The following ZNF469 variants were observed in gnomAD, a reference collection of about 807,000 sequenced individuals.
ZNF469 encodes the protein zinc finger protein 469.
A neutral mutation model predicts 1.0 loss-of-function variants in ZNF469; 1 was observed. The observed-to-expected ratio is 1.00, with a 90% CI of 0.35 to 4.73. The LOEUF is 4.73. Ranked by LOEUF, ZNF469 falls within the 30% of genes most tolerant of loss-of-function variation. The probability of loss-of-function intolerance (pLI) is 0.16; values close to 1 mark genes in which losing one functional copy is unlikely to be tolerated. For synonymous variants in ZNF469, 2,703 were observed against 2,363.4 expected, an observed-to-expected ratio of 1.14 and a Z score of -4.17; for missense variants, 6,100 against 5,356.3, an observed-to-expected ratio of 1.14 and a Z score of -4.33.
At chr16:88,315,535 G>A in the ZNF469 span, among the ~76,000 whole-genome samples, 1 of 152,192 alleles carries the variant, frequency 6.6e-6, no homozygotes, top group African/African-American at 2.4e-5. Context: ...TATCGCCATG[G>A]TGACCAAGGG....
the ZNF469 span, among the ~76,000 whole-genome samples, chr16:88,375,410 TG>T: frequency 6.6e-6 from 1 of 152,236 alleles, no homozygotes; most frequent in Non-Finnish European, 1.5e-5. Flanking sequence ...AGCAGGCATC[TG>T]GGCCACTTAG....
chr16:88,170,056 G>A, the ZNF469 span, among the ~76,000 whole-genome samples: 4 of 152,210 alleles, frequency 2.6e-5, no homozygotes, highest in African/African-American at 7.2e-5. This position sits in a 1 kb window ranked among gnomAD's most constrained non-coding sequence, Gnocchi z 4.2. Flanking sequence ...CCCGAGTCCC[G>A]CTTGTGGCTG....
chr16:88,252,827 A>G, the ZNF469 span, among the ~76,000 whole-genome samples: 1 of 152,054 alleles, frequency 6.6e-6, no homozygotes, highest in East Asian at 1.9e-4. Flanking sequence ...AACGTTTTTC[A>G]CCCCAGAAAT....
At chr16:88,106,362 A>T in the ZNF469 span, among the ~76,000 whole-genome samples, 1 of 152,186 alleles carries the variant, frequency 6.6e-6, no homozygotes, top group African/African-American at 2.4e-5. Flanking sequence ...AGGCAGTACG[A>T]TAATCTCCCA....
At chr16:88,284,671 C>A in the ZNF469 span, among the ~76,000 whole-genome samples, 1 of 151,548 alleles carries the variant, frequency 6.6e-6, no homozygotes, top group Non-Finnish European at 1.5e-5. Context: ...TTCACCACCA[C>A]CAACACTCTG....
At chr16:88,203,931 A>C in the ZNF469 span, among the ~76,000 whole-genome samples, 1 of 152,128 alleles carries the variant, frequency 6.6e-6, no homozygotes. Flanking sequence ...TGGGTTTTGA[A>C]ATAGAATCTT....
the ZNF469 span, among the ~76,000 whole-genome samples, chr16:88,169,950 G>A: frequency 6.6e-6 from 1 of 152,196 alleles, no homozygotes; most frequent in Non-Finnish European, 1.5e-5. The surrounding 1 kb of genome is among the most constrained non-coding windows in gnomAD (Gnocchi z 6.1). Context: ...AGTGACTAGT[G>A]ATGTTGCGTG....
intron 1 of ZNF469, among the ~76,000 whole-genome samples, chr16:88,401,954 AGATG>A (rs1904890171): frequency 5.7e-5 from 1 of 17,470 alleles, no homozygotes; most frequent in Non-Finnish European, 1.2e-4. Flanking sequence ...GTGGATGGGA[AGATG>A]GATGGGTGGA....
chr16:88,216,233 C>T, the ZNF469 span, among the ~76,000 whole-genome samples: 6 of 152,262 alleles, frequency 3.9e-5, no homozygotes, highest in East Asian at 1.9e-4. Context: ...CAGTGGCTCA[C>T]GGCTGTAATC....
chr16:88,378,169 T>C (rs540987899), upstream of ZNF469, among the ~76,000 whole-genome samples: 3 of 152,128 alleles, frequency 2.0e-5, no homozygotes, highest in South Asian at 4.2e-4. Flanking sequence ...GTGGGCGCCA[T>C]GATGTCATCT....
the ZNF469 span, among the ~76,000 whole-genome samples, chr16:88,160,787 C>T: frequency 2.0e-5 from 3 of 152,096 alleles, no homozygotes; most frequent in South Asian, 2.1e-4. Context: ...CAGCAGCCTG[C>T]GAGATACACT....
At chr16:88,123,434 T>C in the ZNF469 span, among the ~76,000 whole-genome samples, 1 of 152,136 alleles carries the variant, frequency 6.6e-6, no homozygotes, top group African/African-American at 2.4e-5. Context: ...TTTTCAATTT[T>C]GGGCTGTTGT....
chr16:88,362,931 T>A, the ZNF469 span, among the ~76,000 whole-genome samples: 1 of 152,198 alleles, frequency 6.6e-6, no homozygotes, highest in East Asian at 1.9e-4. Context: ...TTAAACCACG[T>A]CCATTAATCT....
the ZNF469 span, among the ~76,000 whole-genome samples, chr16:88,300,396 G>C: frequency 6.6e-6 from 1 of 152,052 alleles, no homozygotes; most frequent in African/African-American, 2.4e-5. Flanking sequence ...CCAGGTCCTC[G>C]GATATTCGAT....
the ZNF469 span, among the ~76,000 whole-genome samples, chr16:88,202,299 C>G: frequency 7.2e-5 from 11 of 152,322 alleles, no homozygotes; most frequent in East Asian, 5.8e-4. Context: ...TGAACACAGC[C>G]CAGGAGCTTG....
chr16:88,381,504 C>T (rs962284046), upstream of ZNF469, among the ~76,000 whole-genome samples: 11 of 152,312 alleles, frequency 7.2e-5, no homozygotes, highest in Middle Eastern at 3.4e-3. Flanking sequence ...AGGAAGGAAA[C>T]GCCCTCTGGG....
chr16:88,288,125 T>C, the ZNF469 span, among the ~76,000 whole-genome samples: 1 of 152,308 alleles, frequency 6.6e-6, no homozygotes, highest in South Asian at 2.1e-4. Flanking sequence ...CTCCGTGCCC[T>C]GTGGTCAGTC....
chr16:88,418,236 G>A (rs1045609635), intron 1 of ZNF469, among the ~76,000 whole-genome samples: 5 of 152,276 alleles, frequency 3.3e-5, no homozygotes, highest in East Asian at 1.9e-4. Flanking sequence ...CTACAGAGCC[G>A]GGACCAACAG....
chr16:88,427,140 A>G (rs982803738), intron 2 of ZNF469, among the ~76,000 whole-genome samples: 1 of 150,470 alleles, frequency 6.6e-6, no homozygotes, highest in Admixed American at 6.6e-5. Context: ...TCCCTGTTCC[A>G]TCTGGCGGGA....
Sources: gnomAD v4.1 joint callset for allele counts (sites outside exome capture counted in the v4.1 genomes callset) on GRCh38, gnomAD v4.1.1 for gene constraint, Gnocchi (gnomAD v3.1) non-coding constraint, MANE v1.5 for transcripts, NCBI Gene and HGNC (gene_info 2026-07-23, HGNC 2026-07-21) for gene names.